Variants in NPHP3 observed in about 807,000 individuals in gnomAD.
The protein encoded by NPHP3 is nephrocystin-3.
In NPHP3, 123 loss-of-function variants were observed where a neutral mutation model predicts 171.9. The observed-to-expected ratio is 0.72, with a 90% CI of 0.62 to 0.83. The LOEUF is 0.83. Among genes scored for constraint, NPHP3 ranks in the 40% least tolerant of loss-of-function variants. The probability of loss-of-function intolerance (pLI) is 0.00; values close to 1 mark genes in which losing one functional copy is unlikely to be tolerated. For synonymous variants in NPHP3, 558 were observed against 579.2 expected (o/e 0.96, Z 0.52); for missense variants, 1,506 against 1,591.9 (o/e 0.95, Z 0.92).
rs766208671 is a variant in NPHP3, at chr3:132,700,341, G to A, written c.1736C>T (p.Thr579Ile). The change falls in exon 11 of 27, where the codon ACT (threonine) becomes ATT (isoleucine). Residue 579 changes from threonine to isoleucine, a missense_variant. By Grantham distance (89) the Thr-to-Ile change is moderately conservative. Around this residue, in one of 3 missense-constraint regions of NPHP3, gnomAD observed 930 missense variants for 924.9 expected, o/e 1.01. Transcript: ENST00000337331. ...AAAGATGGGATACTATACCTTTAGA[G>A]TTAGTCGTTTAATAATCAAGGAGGA... ...SESSLIIKRL[T>I]LKLMQHSWSV... is the part of the protein sequence containing the mutation. 5.7e-6 allele frequency: 9 copies of A among 1,592,914 alleles called. No individual in the cohort carries two copies. The highest frequency in any genetic ancestry group is 5.0e-5 in the Admixed American group (3 of 59,974).
rs751202958 is a variant in NPHP3, at chr3:132,705,740, C to T, written c.1350G>A (p.Gln450=). Residue 450 remains glutamine (Q), a splice_region_variant and synonymous_variant, in exon 8 of 27, where the codon CAG becomes CAA. Transcript: ENST00000337331. ...AAACTTACAGAGAATGCATATTTAC[C>T]TGTTTAATAATCTTTTCTACACAAA... ...TYICVEKIIK[Q]DILGFENTDL... 8 of 1,326,290 alleles carry T rather than the reference C, an allele frequency of 6.0e-6. No individual in the cohort carries two copies. The South Asian group carries it at 9.5e-5, about 16-fold the overall frequency. 82.2% of individuals were successfully genotyped at this position (1,326,290 alleles called of 1,614,324 possible). A position where few individuals can be genotyped will look rare whatever the true frequency, so the allele number is the denominator to read the frequency against.
At chr3:132,712,012 C>G (rs1166610930) in intron 6 of NPHP3, among the ~76,000 whole-genome samples, 2 of 152,120 alleles carry the variant, frequency 1.3e-5, no homozygotes, top group Non-Finnish European at 2.9e-5. Flanking sequence ...ATTAAAAAAG[C>G]AAAATGCTTT....
Position 132,686,310 on chromosome 3 carries a change from A to C in NPHP3, c.3279T>G (p.Ala1093=). 2 of 1,613,946 alleles carry C rather than the reference A, an allele frequency of 1.2e-6. No homozygotes were observed. Among genetic ancestry groups the C allele is most frequent in the African/African-American group, 2.7e-5 (2 of 75,046 alleles). Residue 1093 remains alanine, a synonymous_variant, in exon 23 of 27, where the codon GCT becomes GCG. Coordinates refer to ENST00000337331, the MANE Select transcript of NPHP3 (RefSeq NM_153240.5). ...LTLGKDTPDN[A]RTLNELGVLY... is the part of the protein sequence containing the mutation. ...GAACACCCAGTTCATTGAGGGTCCGAGCATTATCAGGTGTGTCCTTACCTA... is the reference window on the plus strand; with the variant it reads ...GAACACCCAGTTCATTGAGGGTCCGCGCATTATCAGGTGTGTCCTTACCTA...
chr3:132,707,980 T>C lies in NPHP3; in HGVS notation c.1275+121A>G, dbSNP rs1939798641. On this transcript the variant is annotated intron_variant, in intron 7 of 26. Coordinates refer to ENST00000337331, the MANE Select transcript of NPHP3 (RefSeq NM_153240.5). ...TCCTCCTACTCCCCTCACTTATCTG[T>C]TCCAGCCACACTGGTTTCTCTCCCC... The C allele has an allele frequency of 4.3e-6, 4 of 932,496 alleles. No homozygotes were observed. In the Admixed American group the frequency reaches 6.0e-5, roughly 14 times the overall value. The allele number at this position is 932,496 out of a possible 1,614,324, so 57.8% of individuals were successfully genotyped here.
At position 132,684,594 on chromosome 3, in the gene NPHP3, G is replaced by A; in HGVS notation, c.3530C>T (p.Ala1177Val). The change falls in exon 24 of 27, where the codon GCA becomes GTA. Residue 1177 changes from alanine (A) to valine (V), a missense_variant. Ala to Val is a moderately conservative substitution (Grantham distance 64). Around this residue, in one of 3 missense-constraint regions of NPHP3, gnomAD observed 569 missense variants for 648.1 expected, o/e 0.88. Transcript: ENST00000337331. ...RALAPDHPSL[A>V]YTVKHLAILY... ...GATGGCAAGATGCTTCACCGTATAT[G>A]CCAAAGAAGGGTGATCAGGAGCTAA... 2 of 1,613,928 alleles carry A rather than the reference G, an allele frequency of 1.2e-6. No homozygotes were observed. The highest frequency in any genetic ancestry group is 1.7e-6 in the Non-Finnish European group (2 of 1,179,818).
intron 9 of NPHP3, among the ~76,000 whole-genome samples, chr3:132,703,130 T>G (rs1285233697): frequency 6.6e-6 from 1 of 152,232 alleles, no homozygotes; most frequent in East Asian, 1.9e-4. Context: ...ATTATCTGAT[T>G]TAATCCTTGC....
chr3:132,710,903 A>G (rs1431832795), intron 6 of NPHP3, among the ~76,000 whole-genome samples: 2 of 152,126 alleles, frequency 1.3e-5, no homozygotes, highest in Non-Finnish European at 2.9e-5. Flanking sequence ...CCCAGCCTAC[A>G]ACTAAGTATG....
chr3:132,686,804 T>C (rs1939174013), intron 22 of NPHP3, among the ~76,000 whole-genome samples: 1 of 152,182 alleles, frequency 6.6e-6, no homozygotes. Context: ...ATAACTTTTA[T>C]TGTGTATTTG....
At chr3:132,715,057 T>C (rs1940013184) in intron 5 of NPHP3, 28 bp downstream of exon 5, 6 of 1,583,158 alleles carry the variant, frequency 3.8e-6, no homozygotes, top group Non-Finnish European at 4.3e-6. Context: ...TTTAAATTGG[T>C]TGATACAGAA....
Position 132,722,149 on chromosome 3 carries a change from C to A in NPHP3, c.207G>T (p.Leu69=). ...SLPRGVGAGG[L]LGASFKSTGS... is the part of the protein sequence containing the mutation. ...CAGTGGACTTGAAGCTGGCCCCCAG[C>A]AGCCCGCCCGCGCCCACCCCGCGGG... The change falls in exon 1 of 27, where the codon CTG becomes CTT. Residue 69 remains leucine, a synonymous_variant. Coordinates refer to ENST00000337331, the MANE Select transcript of NPHP3 (RefSeq NM_153240.5). 1.3e-6 allele frequency: 2 copies of A among 1,589,262 alleles called. No homozygotes were observed. The highest frequency in any genetic ancestry group is 8.5e-7 in the Non-Finnish European group (1 of 1,173,828).
At chr3:132,710,894 C>T (rs190252575) in intron 6 of NPHP3, among the ~76,000 whole-genome samples, 1 of 152,088 alleles carries the variant, frequency 6.6e-6, no homozygotes, top group African/African-American at 2.4e-5. Context: ...GCCTACCTTC[C>T]CAGCCTACAA....
intron 23 of NPHP3, 60 bp downstream of exon 23, chr3:132,686,200 C>G (rs980396519): frequency 6.4e-7 from 1 of 1,553,018 alleles, no homozygotes; most frequent in African/African-American, 1.4e-5. Flanking sequence ...AAATGTAAAA[C>G]AGCATTGCAT....
In NPHP3 at chr3:132,711,323, G is replaced by A. The variant is rs1320230480; in HGVS notation, c.1118+1803C>T. 3.9e-5 allele frequency among the ~76,000 whole-genome samples: 6 copies of A among 152,024 alleles called. No individual in the cohort carries two copies. The East Asian group carries it at 9.6e-4, about 24-fold the overall frequency. ...AAAGTTTAAGTAAAATAAAGCCAAAGTAGAGACTAAAATTATTAAATTTAA... is the reference window on the plus strand; with the variant it reads ...AAAGTTTAAGTAAAATAAAGCCAAAATAGAGACTAAAATTATTAAATTTAA... On this transcript the variant is annotated intron_variant, in intron 6 of 26. Coordinates refer to ENST00000337331, the MANE Select transcript of NPHP3 (RefSeq NM_153240.5).
rs770953112 is a variant in NPHP3, at chr3:132,705,800, T to G, written c.1290A>C (p.Ser430=). 6.6e-7 allele frequency: 1 copy of G among 1,508,080 alleles called. No homozygotes were observed. 93.4% of individuals were successfully genotyped at this position (1,508,080 alleles called of 1,614,324 possible). ...TATATACTCCTTCTGCAGGATCTCC[T>G]GAGTGATCAATGATCTAGATAAAAA... is the stretch of plus-strand genomic sequence containing the variant. ...KTSKAKIIDH[S]GDPAEGVYKT... The change falls in exon 8 of 27, where the codon TCA becomes TCC. Residue 430 remains serine (S), a synonymous_variant. Transcript: ENST00000337331.
Position 132,681,832 on chromosome 3 carries a change from A to T in NPHP3, c.*78T>A. Reference sequence around the variant, plus strand: ...TAAAATTTCGTACAACATTTTTTTAAAGTTTCAAATTCAAATGTTCCAAAT... The same window carrying T: ...TAAAATTTCGTACAACATTTTTTTATAGTTTCAAATTCAAATGTTCCAAAT... On this transcript the variant is annotated 3_prime_UTR_variant, in exon 27 of 27. Coordinates refer to ENST00000337331, the MANE Select transcript of NPHP3 (RefSeq NM_153240.5). 8 of 1,342,204 alleles carry T rather than the reference A, an allele frequency of 6.0e-6. No individual in the cohort carries two copies. Among genetic ancestry groups the T allele is most frequent in the Non-Finnish European group, 8.5e-6 (8 of 937,718 alleles). The allele number at this position is 1,342,204 out of a possible 1,614,324, so 83.1% of individuals were successfully genotyped here.
chr3:132,691,670 C>T (rs1254242870), intron 17 of NPHP3, among the ~76,000 whole-genome samples: 1 of 152,122 alleles, frequency 6.6e-6, no homozygotes, highest in East Asian at 1.9e-4. Context: ...AAATGTAAGA[C>T]TTCATTTACA....
intron 17 of NPHP3, among the ~76,000 whole-genome samples, chr3:132,691,994 A>G (rs1228065845): frequency 6.6e-6 from 1 of 152,206 alleles, no homozygotes; most frequent in Non-Finnish European, 1.5e-5. Flanking sequence ...AACTGCATAC[A>G]TGATGATGAT....
At chr3:132,719,489 T>C (rs930775433) in intron 2 of NPHP3, among the ~76,000 whole-genome samples, 1 of 152,182 alleles carries the variant, frequency 6.6e-6, no homozygotes, top group African/African-American at 2.4e-5. Context: ...GAAATTACTA[T>C]TAAAATGTTC....
rs1184845506 is a variant in NPHP3 at position 132,695,053 on chromosome 3, A to AT, written c.2172-89dup. On this transcript the variant is annotated intron_variant, in intron 15 of 26. Transcript: ENST00000337331. ...ATCGATTAAAAACAACGTGAACTCT[A>AT]TTTTTTGTACTGCAACCAATAACAA... The AT allele has an allele frequency of 8.6e-6, 11 of 1,279,670 alleles. No homozygotes were observed. In the African/African-American group the frequency reaches 1.5e-4, roughly 17 times the overall value. The allele number at this position is 1,279,670 out of a possible 1,614,324, so 79.3% of individuals were successfully genotyped here.
Sources: allele counts gnomAD v4.1 joint callset (sites outside exome capture counted in the v4.1 genomes callset), GRCh38; gene constraint gnomAD v4.1.1; regional missense constraint gnomAD v4.1.1; transcripts MANE v1.5; gene names NCBI Gene and HGNC (gene_info 2026-07-23, HGNC 2026-07-21).